Variants in CSN1S1 observed in about 807,000 individuals in gnomAD.
CSN1S1 encodes the protein alpha-S1-casein.
Under a neutral mutation model 49.1 loss-of-function variants are expected in CSN1S1, and 63 were observed. That is an observed-to-expected ratio of 1.28 (90% CI 1.05 to 1.58). The LOEUF is 1.58. Ranked by LOEUF, CSN1S1 falls within the 40% of genes most tolerant of loss-of-function variation. CSN1S1 has a pLI of 0.00. For missense variants in CSN1S1, 260 were observed against 224.7 expected (o/e 1.16, Z -1.01); for synonymous variants, 78 against 67.1 (o/e 1.16, Z -0.79).
intron 3 of CSN1S1, among the ~76,000 whole-genome samples, chr4:69,934,452 T>A (rs1022384301): frequency 1.3e-5 from 2 of 152,266 alleles, no homozygotes; most frequent in Admixed American, 6.5e-5. Flanking sequence ...AATAAAAATC[T>A]TATTTTTATT....
intron 1 of CSN1S1, among the ~76,000 whole-genome samples, chr4:69,931,540 A>G (rs1722607293): frequency 6.6e-6 from 1 of 151,974 alleles, no homozygotes. Flanking sequence ...CATTTGGGCA[A>G]CAAAATTAAC....
At chr4:69,938,731 C>T (rs1429340866) in intron 9 of CSN1S1, among the ~76,000 whole-genome samples, 1 of 151,546 alleles carries the variant, frequency 6.6e-6, no homozygotes, top group Admixed American at 6.6e-5. Context: ...ATTTTAATTT[C>T]ATCTTAAGAT....
At chr4:69,943,776 G>C (rs1391099394) in intron 14 of CSN1S1, among the ~76,000 whole-genome samples, 2 of 151,942 alleles carry the variant, frequency 1.3e-5, no homozygotes, top group African/African-American at 4.8e-5. Flanking sequence ...GAGCAAAAAA[G>C]AATACACAAG....
chr4:69,942,630 T>C, intron 14 of CSN1S1, 53 bp downstream of exon 14: 1 of 1,421,858 alleles, frequency 7.0e-7, no homozygotes, highest in Non-Finnish European at 9.7e-7. Context: ...TAAGCTTAAA[T>C]ATGTTTGCTC....
At chr4:69,931,885 CAT>C (rs1385954690) in intron 1 of CSN1S1, among the ~76,000 whole-genome samples, 5 of 151,790 alleles carry the variant, frequency 3.3e-5, no homozygotes, top group African/African-American at 1.2e-4. Context: ...AAATATAAGA[CAT>C]GTCAATATTT....
rs370896397 is a variant in CSN1S1, at chr4:69,936,493, A to G, written c.153+14A>G. Reference sequence around the variant, plus strand: ...GGTATGAACAGGGTAAGAAACATCAATGAAATTTAAATTATGTTAAAAGTT... The same window carrying G: ...GGTATGAACAGGGTAAGAAACATCAGTGAAATTTAAATTATGTTAAAAGTT... On this transcript the variant is annotated intron_variant, in intron 6 of 15. Transcript: ENST00000246891. The G allele has an allele frequency of 4.9e-5, 77 of 1,585,236 alleles. No individual in the cohort carries two copies. The African/African-American group carries it at 8.1e-4, about 17-fold the overall frequency.
At chr4:69,945,400 C>T (rs1723130124) in intron 15 of CSN1S1, among the ~76,000 whole-genome samples, 1 of 151,942 alleles carries the variant, frequency 6.6e-6, no homozygotes, top group Non-Finnish European at 1.5e-5. Flanking sequence ...GGTAATATAG[C>T]ACATATTTTG....
intron 1 of CSN1S1, 106 bp from the exon 2 acceptor site, chr4:69,932,438 T>C: frequency 2.2e-6 from 2 of 896,236 alleles, no homozygotes; most frequent in South Asian, 3.0e-5. Context: ...CAAATCAGCC[T>C]ACTTTTATCA....
intron 14 of CSN1S1, among the ~76,000 whole-genome samples, chr4:69,942,794 A>G (rs1360422543): frequency 6.6e-6 from 1 of 151,904 alleles, no homozygotes; most frequent in East Asian, 1.9e-4. Flanking sequence ...GAGAAAAACA[A>G]TATGTGTCTA....
intron 11 of CSN1S1, among the ~76,000 whole-genome samples, chr4:69,940,346 G>A (rs544490936): frequency 6.6e-6 from 1 of 151,636 alleles, no homozygotes; most frequent in Non-Finnish European, 1.5e-5. Context: ...AATAAAGCTA[G>A]CGACTTTTTT....
intron 9 of CSN1S1, among the ~76,000 whole-genome samples, chr4:69,938,251 T>A (rs1722862535): frequency 6.6e-6 from 1 of 151,790 alleles, no homozygotes; most frequent in Non-Finnish European, 1.5e-5. Context: ...GATTTTTACA[T>A]GAGTATGTTA....
At chr4:69,931,501 A>G (rs1173687439) in intron 1 of CSN1S1, among the ~76,000 whole-genome samples, 2 of 151,918 alleles carry the variant, frequency 1.3e-5, no homozygotes, top group East Asian at 3.9e-4. Flanking sequence ...TTTCTAGCAG[A>G]ATAGTTCAAG....
intron 7 of CSN1S1, 101 bp downstream of exon 7, chr4:69,936,708 T>A: frequency 9.1e-7 from 1 of 1,101,460 alleles, no homozygotes; most frequent in Non-Finnish European, 1.3e-6. Context: ...TATGGTTTTG[T>A]CCTTTCCTTG....
intron 11 of CSN1S1, 105 bp downstream of exon 11, chr4:69,940,149 ACG>A: frequency 2.2e-6 from 1 of 459,412 alleles, no homozygotes; most frequent in Non-Finnish European, 3.7e-6. Context: ...ACACACACAC[ACG>A]GGAAAACATG....
In CSN1S1 at chr4:69,931,068, A is replaced by G. The variant is rs898455236; in HGVS notation, c.-62A>G. 1.3e-5 allele frequency: 2 copies of G among 152,076 alleles called. No individual in the cohort carries two copies. Among genetic ancestry groups the G allele is most frequent in the Admixed American group, 6.6e-5 (1 of 15,250 alleles). The allele number at this position is 152,076 out of a possible 1,614,324, so 9.4% of individuals were successfully genotyped here. A position where few individuals can be genotyped will look rare whatever the true frequency, so the allele number is the denominator to read the frequency against. On this transcript the variant is annotated 5_prime_UTR_variant, in exon 1 of 16. Transcript: ENST00000246891. ...ATAGCGTAAAGCAAAGAGATCGGCC[A>G]TCATCTTGGTCATCAACACAACTTG... is the stretch of plus-strand genomic sequence containing the variant.
intron 4 of CSN1S1, among the ~76,000 whole-genome samples, chr4:69,935,635 AG>A (rs1486876255): frequency 4.1e-4 from 63 of 152,212 alleles, no homozygotes; most frequent in Non-Finnish European, 5.9e-5. Context: ...TATAAAAACA[AG>A]ATATGTATAT....
At chr4:69,942,642 T>G (rs1160580192) in intron 14 of CSN1S1, 65 bp downstream of exon 14, 1 of 1,249,146 alleles carries the variant, frequency 8.0e-7, no homozygotes, top group Non-Finnish European at 1.1e-6. Flanking sequence ...TGTTTGCTCT[T>G]AAATAGCCCC....
At chr4:69,937,461 G>A (rs561983529) in intron 8 of CSN1S1, among the ~76,000 whole-genome samples, 1 of 150,496 alleles carries the variant, frequency 6.6e-6, no homozygotes, top group East Asian at 2.0e-4. Flanking sequence ...TAGTCCAGTT[G>A]TATTTACTGC....
intron 14 of CSN1S1, among the ~76,000 whole-genome samples, chr4:69,943,098 A>C (rs975241392): frequency 6.6e-6 from 1 of 151,288 alleles, no homozygotes; most frequent in African/African-American, 2.4e-5. Flanking sequence ...GTAAAAAGAA[A>C]ATAAAGGCAA....
Sources: gnomAD v4.1 joint callset for allele counts (sites outside exome capture counted in the v4.1 genomes callset) on GRCh38, gnomAD v4.1.1 for gene constraint, MANE v1.5 for transcripts, NCBI Gene and HGNC (gene_info 2026-07-23, HGNC 2026-07-21) for gene names.